Variants in LRRC4C observed in about 807,000 individuals in gnomAD.
LRRC4C encodes leucine-rich repeat-containing protein 4C.
A neutral mutation model predicts 33.6 loss-of-function variants in LRRC4C; 5 were observed. The ratio of observed to expected loss-of-function variants is 0.15; its 90% confidence interval spans 0.08 to 0.31. LRRC4C has a LOEUF of 0.31. Among genes scored for constraint, LRRC4C ranks in the 10% least tolerant of loss-of-function variants. The pLI, the probability that LRRC4C is intolerant of heterozygous loss-of-function variation, is 1.00. For synonymous variants in LRRC4C, 329 were observed against 302.0 expected (o/e 1.09, Z -0.93); for missense variants, 560 against 796.7 (o/e 0.70, Z 3.58).
chr11:41,097,986 T>C (rs1940923595), intron 1 of LRRC4C, among the ~76,000 whole-genome samples: 1 of 150,850 alleles, frequency 6.6e-6, no homozygotes, highest in Non-Finnish European at 1.5e-5. Flanking sequence ...TCTGTGTCCC[T>C]ATATTTCCAT....
chr11:40,921,744 T>C (rs528530803), intron 2 of LRRC4C, among the ~76,000 whole-genome samples: 3 of 152,332 alleles, frequency 2.0e-5, no homozygotes, highest in Admixed American at 6.5e-5. Context: ...ATTTATCTTT[T>C]CTTTGTGTTG....
chr11:40,451,170 A>T (rs1308917539), intron 3 of LRRC4C, among the ~76,000 whole-genome samples: 1 of 151,736 alleles, frequency 6.6e-6, no homozygotes, highest in African/African-American at 2.4e-5. Flanking sequence ...AATAATAAAG[A>T]TCAGAGCAAA....
intron 1 of LRRC4C, among the ~76,000 whole-genome samples, chr11:40,945,466 C>T (rs1565228259): frequency 1.3e-5 from 2 of 152,230 alleles, no homozygotes; most frequent in East Asian, 3.9e-4. Flanking sequence ...TTTAAATACA[C>T]TGTCTATACT....
chr11:41,351,055 C>T (rs1297066212), intron 1 of LRRC4C, among the ~76,000 whole-genome samples: 1 of 152,064 alleles, frequency 6.6e-6, no homozygotes, highest in Non-Finnish European at 1.5e-5. Context: ...CAGGACAAGA[C>T]CTCGTGTCTT....
intron 2 of LRRC4C, among the ~76,000 whole-genome samples, chr11:40,924,120 GTGTA>G (rs948739058): frequency 3.0e-5 from 4 of 134,758 alleles, no homozygotes; most frequent in Admixed American, 7.7e-5. Flanking sequence ...GTGTGTGTGT[GTGTA>G]TATATATATA....
At chr11:40,722,467 C>T (rs549661028) in intron 2 of LRRC4C, among the ~76,000 whole-genome samples, 2 of 152,292 alleles carry the variant, frequency 1.3e-5, no homozygotes, top group African/African-American at 4.8e-5. Context: ...CCTGCAGAAA[C>T]CTGTCTACAA....
intron 2 of LRRC4C, among the ~76,000 whole-genome samples, chr11:40,864,334 G>T (rs1395264158): frequency 6.6e-6 from 1 of 152,116 alleles, no homozygotes; most frequent in African/African-American, 2.4e-5. Flanking sequence ...CTCCAAAAGT[G>T]CTGAGATTGC....
At position 41,279,021 on chromosome 11, in the gene LRRC4C, C is replaced by G. The variant is rs559556676; in HGVS notation, c.-496+180410G>C. ...AGTCATCCCCAGTATCTACTGTTCCCATCTTTATGTTCATATGTATAAGTG... is the reference window on the plus strand; with the variant it reads ...AGTCATCCCCAGTATCTACTGTTCCGATCTTTATGTTCATATGTATAAGTG... On this transcript the variant is annotated intron_variant, in intron 1 of 6. Transcript: ENST00000528697. Among the ~76,000 whole-genome samples, 9 of 152,210 alleles carry G rather than the reference C, an allele frequency of 5.9e-5. No individual in the cohort carries two copies. The South Asian group carries it at 1.5e-3, about 25-fold the overall frequency.
At chr11:41,315,061 G>A (rs1486312675) in intron 1 of LRRC4C, among the ~76,000 whole-genome samples, 2 of 152,124 alleles carry the variant, frequency 1.3e-5, no homozygotes, top group African/African-American at 4.8e-5. Flanking sequence ...TACAAGTTAT[G>A]AGGAAGGTTA....
At chr11:40,689,065 A>G (rs1241517817) in intron 2 of LRRC4C, among the ~76,000 whole-genome samples, 1 of 152,118 alleles carries the variant, frequency 6.6e-6, no homozygotes, top group Non-Finnish European at 1.5e-5. Context: ...TTTAAAATAG[A>G]AAAAGAGCCC....
At chr11:41,061,512 G>A (rs1370212255) in intron 1 of LRRC4C, among the ~76,000 whole-genome samples, 1 of 152,146 alleles carries the variant, frequency 6.6e-6, no homozygotes, top group African/African-American at 2.4e-5. Context: ...TGACACTGGG[G>A]GTGAGGGGAG....
In LRRC4C at chr11:41,452,673, T is replaced by C. The variant is rs143075935; in HGVS notation, c.-496+6758A>G. Among the ~76,000 whole-genome samples the C allele has an allele frequency of 5.6e-3, 858 of 152,176 alleles. 11 individuals are homozygous for C. The highest frequency in any genetic ancestry group is 0.02 in the African/African-American group (832 of 41,558). ...CGTTCTCTTTCTTTCTCTGGTCTCC[T>C]TGAATGTTCTGTACCAGTCACTCTT... On this transcript the variant is annotated intron_variant, in intron 1 of 6. Coordinates refer to ENST00000528697, the MANE Select transcript of LRRC4C (RefSeq NM_001258419.2).
intron 1 of LRRC4C, among the ~76,000 whole-genome samples, chr11:41,444,375 G>C (rs1955751202): frequency 6.6e-6 from 1 of 152,126 alleles, no homozygotes; most frequent in Non-Finnish European, 1.5e-5. Context: ...AAATAATCTT[G>C]AGATGATTTA....
intron 1 of LRRC4C, among the ~76,000 whole-genome samples, chr11:41,417,349 G>C (rs1170988820): frequency 6.6e-6 from 1 of 152,032 alleles, no homozygotes; most frequent in African/African-American, 2.4e-5. Flanking sequence ...TAAACTAGTT[G>C]ACCTAAATAA....
In LRRC4C at chr11:41,265,733, A is replaced by G. The variant is rs148523570; in HGVS notation, c.-496+193698T>C. 2.6e-3 allele frequency among the ~76,000 whole-genome samples: 401 copies of G among 152,208 alleles called. 2 individuals are homozygous for G. The highest frequency in any genetic ancestry group is 9.1e-3 in the African/African-American group (380 of 41,568). On this transcript the variant is annotated intron_variant, in intron 1 of 6. Coordinates refer to ENST00000528697, the MANE Select transcript of LRRC4C (RefSeq NM_001258419.2). ...AGTGTGGGGATCCTCTTACTCAAGA[A>G]ACTCCAACTGAGTTACAATTACAGC...
intron 2 of LRRC4C, among the ~76,000 whole-genome samples, chr11:40,784,972 A>C (rs1006674641): frequency 2.0e-5 from 3 of 152,176 alleles, no homozygotes; most frequent in African/African-American, 2.4e-5. Flanking sequence ...AAGGAGAGTT[A>C]CCGTCAGCCG....
chr11:41,118,002 G>A (rs778986779), intron 1 of LRRC4C, among the ~76,000 whole-genome samples: 24 of 152,088 alleles, frequency 1.6e-4, no homozygotes, highest in Non-Finnish European at 3.2e-4. Context: ...CCTAAGATAA[G>A]GAAGAAAGTT....
At chr11:40,383,016 C>T (rs781073027) in intron 3 of LRRC4C, among the ~76,000 whole-genome samples, 5 of 152,072 alleles carry the variant, frequency 3.3e-5, no homozygotes, top group African/African-American at 1.2e-4. Flanking sequence ...TTGACTAATA[C>T]CTCCCATTTC....
intron 1 of LRRC4C, among the ~76,000 whole-genome samples, chr11:41,074,229 G>A (rs774857299): frequency 6.6e-5 from 10 of 152,034 alleles, no homozygotes; most frequent in Non-Finnish European, 1.5e-4. Context: ...TCTTTAAGAG[G>A]CAACCCCTTC....
Sources: gnomAD v4.1 joint callset for allele counts (sites outside exome capture counted in the v4.1 genomes callset) on GRCh38, gnomAD v4.1.1 for gene constraint, MANE v1.5 for transcripts, NCBI Gene and HGNC (gene_info 2026-07-23, HGNC 2026-07-21) for gene names.